The following SLC5A11 variants were observed in gnomAD, a reference collection of about 807,000 sequenced individuals.
The protein encoded by SLC5A11 is solute carrier family 5 member 11.
A neutral mutation model predicts 69.8 loss-of-function variants in SLC5A11; 48 were observed. The ratio of observed to expected loss-of-function variants is 0.69; its 90% CI spans 0.55 to 0.87. The LOEUF is 0.87. SLC5A11 is among the 40% of genes least tolerant of loss of function. The probability of loss-of-function intolerance (pLI) is 0.00; values close to 1 mark genes in which losing one functional copy is unlikely to be tolerated. For missense variants in SLC5A11, 784 were observed against 866.1 expected (o/e 0.91, Z 1.19); for synonymous variants, 319 against 342.4 (o/e 0.93, Z 0.75).
chr16:24,891,127 G>A (rs2048775942), intron 9 of SLC5A11, 53 bp downstream of exon 10: 1 of 1,575,922 alleles, frequency 6.3e-7, no homozygotes, highest in Non-Finnish European at 8.7e-7. Context: ...TCTTTCCTTA[G>A]GGTGGCTGAA....
At chr16:24,873,709 T>C (rs1336058215) in intron 5 of SLC5A11, among the ~76,000 whole-genome samples, 2 of 151,950 alleles carry the variant, frequency 1.3e-5, no homozygotes, top group African/African-American at 2.4e-5. Context: ...GGCTTTCCTA[T>C]TAAGTAATTA....
Position 24,884,094 on chromosome 16 carries a change from GATCATGCTTAT to G in SLC5A11, c.629_639del (p.Ile210ArgfsTer29), listed in dbSNP as rs777636847. 6.2e-7 allele frequency: 1 copy of G among 1,614,094 alleles called. No individual in the cohort carries two copies. The highest frequency in any genetic ancestry group is 2.2e-5 in the East Asian group (1 of 44,874). ...TCTACACGGATGCCCTGCAGACGCTGATCATGCTTATAGGAGCGCTCACCTTGATGGGCTAC... is the reference window on the plus strand; with the variant it reads ...TCTACACGGATGCCCTGCAGACGCTGAGGAGCGCTCACCTTGATGGGCTAC... On this transcript the variant is annotated frameshift_variant, in exon 8 of 16. Transcript: ENST00000347898. LOFTEE classifies it high-confidence loss of function.
intron 5 of SLC5A11, among the ~76,000 whole-genome samples, chr16:24,875,179 C>A (rs2047588197): frequency 6.6e-6 from 1 of 152,032 alleles, no homozygotes; most frequent in South Asian, 2.1e-4. Context: ...TTGTTTTTGT[C>A]TACCATATGT....
intron 7 of SLC5A11, among the ~76,000 whole-genome samples, chr16:24,880,385 A>C (rs993747705): frequency 1.2e-4 from 18 of 152,044 alleles, no homozygotes; most frequent in African/African-American, 4.1e-4. Flanking sequence ...TCATGGCTGG[A>C]GTGCAATGGT....
intron 14 of SLC5A11, among the ~76,000 whole-genome samples, chr16:24,909,977 G>A (rs1371077539): frequency 2.0e-5 from 3 of 152,098 alleles, no homozygotes; most frequent in Non-Finnish European, 2.9e-5. Context: ...CCAGAGAAAC[G>A]GATGAGCTGA....
chr16:24,858,684 A>C (rs1314569738), exon 2 of SLC5A11: 1 of 1,611,404 alleles, frequency 6.2e-7, no homozygotes, highest in Non-Finnish European at 8.5e-7. Flanking sequence ...CCACAGTTAG[A>C]TCCCCTGGAT....
At chr16:24,862,574 C>T (rs2046640665) in intron 2 of SLC5A11, 27 bp from the exon 4 acceptor site, 1 of 1,597,656 alleles carries the variant, frequency 6.3e-7, no homozygotes, top group African/African-American at 1.3e-5. Context: ...CGTCTTCCCT[C>T]ACCCACCTCT....
At chr16:24,858,631 C>A in exon 2 of SLC5A11, 1 of 1,599,106 alleles carries the variant, frequency 6.3e-7, no homozygotes, top group Non-Finnish European at 8.5e-7. Flanking sequence ...ATCCAGAGGT[C>A]TCGTTCAGGA....
At chr16:24,876,561 A>G (rs536456759) in intron 6 of SLC5A11, among the ~76,000 whole-genome samples, 92 of 152,266 alleles carry the variant, frequency 6.0e-4, no homozygotes, top group Non-Finnish European at 1.1e-3. Context: ...AGCTTGTCCT[A>G]TGGGAAGGGG....
intron 2 of SLC5A11, among the ~76,000 whole-genome samples, chr16:24,861,012 T>C (rs1270323825): frequency 5.9e-5 from 9 of 151,948 alleles, no homozygotes; most frequent in Admixed American, 5.9e-4. Context: ...CAGCCAGTAT[T>C]GTTAATATGC....
chr16:24,884,247 A>AT (rs753377711), intron 8 of SLC5A11, 116 bp downstream of exon 9: 247 of 968,046 alleles, frequency 2.6e-4, no homozygotes, highest in Middle Eastern at 5.7e-4. Context: ...CTACTGGGGA[A>AT]TTTTTTGTCA....
At chr16:24,890,790 A>T in intron 8 of SLC5A11, 79 bp from the exon 10 acceptor site, 1 of 1,373,468 alleles carries the variant, frequency 7.3e-7, no homozygotes, top group Non-Finnish European at 1.0e-6. Flanking sequence ...CTAGAATTTC[A>T]CCAGTCTCCA....
chr16:24,886,400 A>G (rs2048401709), intron 8 of SLC5A11, among the ~76,000 whole-genome samples: 1 of 152,112 alleles, frequency 6.6e-6, no homozygotes. Flanking sequence ...AAAAGAAAAG[A>G]TGACAAATAT....
Position 24,852,900 on chromosome 16 carries a change from C to T in SLC5A11, c.-24-5720C>T, listed in dbSNP as rs55948688. ...AGGGCCTAGCACAGAGCATGGCACA[C>T]AGCTGATGCCTAATAAATGTTTGTT... is the stretch of plus-strand genomic sequence containing the variant. On this transcript the variant is annotated intron_variant, in intron 1 of 15. Coordinates refer to ENST00000347898, the Ensembl canonical transcript of SLC5A11. Among the ~76,000 whole-genome samples, 34 of 56,510 alleles carry T rather than the reference C, an allele frequency of 6.0e-4. 1 individual carries two copies. Among genetic ancestry groups the T allele is most frequent in the African/African-American group, 2.7e-3 (18 of 6,782 alleles). The allele number at this position is 56,510 out of a possible 152,430, so 37.1% of individuals were successfully genotyped here.
chr16:24,849,593 A>AATATATATATATATATATAT (rs1555515955), intron 1 of SLC5A11, among the ~76,000 whole-genome samples: 2 of 35,882 alleles, frequency 5.6e-5, no homozygotes, highest in Admixed American at 3.8e-4. Flanking sequence ...AAAAAAAAAA[A>AATATATATATATATATATAT]ATATATATAT....
rs58100997 is a variant in SLC5A11, at chr16:24,855,671, A to AAAATAAATAAAT, written c.-24-2933_-24-2922dup. Among the ~76,000 whole-genome samples the AAAATAAATAAAT allele has an allele frequency of 3.4e-3, 517 of 150,088 alleles. 1 individual carries two copies. Among genetic ancestry groups the AAAATAAATAAAT allele is most frequent in the African/African-American group, 0.012 (485 of 40,672 alleles). ...GGACACCAAAGTGAAACCTTGTCTC[A>AAAATAAATAAAT]AAATAAATAAATAAATAAATAAATA... On this transcript the variant is annotated intron_variant, in intron 1 of 15. Coordinates refer to ENST00000347898, the Ensembl canonical transcript of SLC5A11.
At chr16:24,900,383 G>T (rs1243968425) in intron 10 of SLC5A11, among the ~76,000 whole-genome samples, 1 of 152,182 alleles carries the variant, frequency 6.6e-6, no homozygotes, top group Non-Finnish European at 1.5e-5. Flanking sequence ...CCCTTAAGAA[G>T]CAGGAGAAAA....
intron 15 of SLC5A11, 128 bp from the exon 17 acceptor site, chr16:24,911,200 C>A: frequency 2.7e-6 from 2 of 741,140 alleles, no homozygotes; most frequent in Middle Eastern, 4.2e-4. Context: ...AGATTTCAGT[C>A]GGGCATAGTG....
rs998897510 is a variant in SLC5A11, at chr16:24,907,896, C to A, written c.1266-67C>A. 4.4e-6 allele frequency: 7 copies of A among 1,585,604 alleles called. No homozygotes were observed. The Admixed American group carries it at 6.9e-5, about 16-fold the overall frequency. ...ACAAGACCCTGTCTATTAAAAGAGA[C>A]AGAGAGAGGGAAAGAGGAGTAAATG... On this transcript the variant is annotated intron_variant, in intron 12 of 15. Coordinates refer to ENST00000347898, the Ensembl canonical transcript of SLC5A11.
Sources: gnomAD v4.1 joint callset for allele counts (sites outside exome capture counted in the v4.1 genomes callset) on GRCh38, gnomAD v4.1.1 for gene constraint, MANE v1.5 for transcripts, NCBI Gene and HGNC (gene_info 2026-07-23, HGNC 2026-07-21) for gene names.